Variants in ALOX5AP observed in about 807,000 individuals in gnomAD.
ALOX5AP encodes the protein arachidonate 5-lipoxygenase activating protein.
A neutral mutation model predicts 18.5 loss-of-function variants in ALOX5AP; 9 were observed. That is an observed-to-expected ratio of 0.49 (90% CI 0.29 to 0.85). The LOEUF (loss-of-function observed/expected upper bound fraction) is 0.85, where lower values mean the gene tolerates loss of function less well. Ranked by LOEUF, ALOX5AP falls within the 40% of genes least tolerant of loss-of-function variation. ALOX5AP has a pLI of 0.08. For missense variants in ALOX5AP, 172 were observed against 202.5 expected (o/e 0.85, Z 0.91); for synonymous variants, 81 against 78.6 (o/e 1.03, Z -0.16).
chr13:30,738,512 T>A (rs1593435045), intron 1 of ALOX5AP, among the ~76,000 whole-genome samples: 1 of 152,320 alleles, frequency 6.6e-6, no homozygotes, highest in East Asian at 1.9e-4. Flanking sequence ...TGGGCTCAAA[T>A]CTGTCTCCCC....
intron 1 of ALOX5AP, among the ~76,000 whole-genome samples, chr13:30,724,918 G>A (rs1170935255): frequency 6.6e-6 from 1 of 152,188 alleles, no homozygotes; most frequent in Non-Finnish European, 1.5e-5. Flanking sequence ...CTTCCCCTCA[G>A]TCTGCATCTG....
intron 1 of ALOX5AP, among the ~76,000 whole-genome samples, chr13:30,714,154 A>G (rs557838916): frequency 2.0e-5 from 3 of 149,470 alleles, no homozygotes; most frequent in Admixed American, 1.3e-4. Flanking sequence ...CTGGCTCTTT[A>G]GAGAACAGAT....
intron 1 of ALOX5AP, among the ~76,000 whole-genome samples, chr13:30,719,616 G>A (rs967010757): frequency 6.6e-6 from 1 of 152,146 alleles, no homozygotes. Flanking sequence ...AGTCAATACT[G>A]TTTAGTGACT....
intron 2 of ALOX5AP, among the ~76,000 whole-genome samples, chr13:30,745,122 G>A (rs1293222381): frequency 1.3e-5 from 2 of 152,234 alleles, no homozygotes; most frequent in African/African-American, 2.4e-5. Flanking sequence ...CAGGGGTACC[G>A]TTGGTTTCCT....
chr13:30,738,537 G>A (rs923050331), intron 1 of ALOX5AP, among the ~76,000 whole-genome samples: 1 of 152,202 alleles, frequency 6.6e-6, no homozygotes. Context: ...TGGGGCTTAG[G>A]GCAAGTTTTA....
intron 1 of ALOX5AP, among the ~76,000 whole-genome samples, chr13:30,717,490 C>G (rs1182686752): frequency 6.6e-6 from 1 of 152,180 alleles, no homozygotes; most frequent in African/African-American, 2.4e-5. Context: ...AACTTCTGAC[C>G]AATCCACTTC....
At chr13:30,734,315 G>A (rs376207029), upstream of ALOX5AP, among the ~76,000 whole-genome samples, 1 of 150,418 alleles carries the variant, frequency 6.6e-6, no homozygotes, top group South Asian at 2.1e-4. Context: ...GCATTGAAGC[G>A]GGCCTCTGGC....
At chr13:30,714,788 T>A (rs1951536942) in intron 1 of ALOX5AP, among the ~76,000 whole-genome samples, 1 of 152,338 alleles carries the variant, frequency 6.6e-6, no homozygotes, top group Admixed American at 6.5e-5. Context: ...CCCTGGGCAC[T>A]TGTTGAATGA....
intron 3 of ALOX5AP, among the ~76,000 whole-genome samples, chr13:30,752,689 G>A (rs561240466): frequency 1.9e-4 from 29 of 152,348 alleles, no homozygotes; most frequent in African/African-American, 2.9e-4. Flanking sequence ...TCGGGGCCAC[G>A]CCTGGCACTG....
At chr13:30,713,853 T>C (rs1188259579) in intron 1 of ALOX5AP, 4 of 1,534,910 alleles carry the variant, frequency 2.6e-6, no homozygotes, top group South Asian at 1.2e-5. Context: ...TGTGTGTGTG[T>C]GTGCGCGCAC....
At chr13:30,721,173 G>A (rs1023319889) in intron 1 of ALOX5AP, among the ~76,000 whole-genome samples, 4 of 152,118 alleles carry the variant, frequency 2.6e-5, no homozygotes, top group Non-Finnish European at 5.9e-5. Flanking sequence ...GAGGCCATAG[G>A]AGAAGGGCAT....
chr13:30,751,752 G>T (rs1182854890), intron 2 of ALOX5AP, among the ~76,000 whole-genome samples: 2 of 152,158 alleles, frequency 1.3e-5, no homozygotes, highest in African/African-American at 4.8e-5. Context: ...GAAGCGCAGG[G>T]GCACCGCCAG....
intron 3 of ALOX5AP, among the ~76,000 whole-genome samples, chr13:30,752,748 G>T (rs866870569): frequency 3.3e-5 from 5 of 152,238 alleles, no homozygotes; most frequent in African/African-American, 1.2e-4. Flanking sequence ...TGGCCCTGGA[G>T]GGCACAGGCA....
chr13:30,749,248 C>T (rs1477205682), intron 2 of ALOX5AP, among the ~76,000 whole-genome samples: 2 of 152,136 alleles, frequency 1.3e-5, no homozygotes, highest in African/African-American at 2.4e-5. Flanking sequence ...TGAGCAAATC[C>T]CTTAGACAAT....
intron 3 of ALOX5AP, among the ~76,000 whole-genome samples, chr13:30,753,535 C>A (rs1376809371): frequency 2.6e-5 from 4 of 152,216 alleles, no homozygotes; most frequent in Admixed American, 2.6e-4. Context: ...ACAAAAGCAT[C>A]AGTAACCTTG....
At chr13:30,731,591 A>G (rs932611397), upstream of ALOX5AP, among the ~76,000 whole-genome samples, 15 of 151,364 alleles carry the variant, frequency 9.9e-5, no homozygotes, top group African/African-American at 3.6e-4. Flanking sequence ...CTGTTCTCCA[A>G]CTCCTGGACT....
intron 2 of ALOX5AP, 62 bp downstream of exon 2, chr13:30,744,221 G>A (rs1165236511): frequency 7.0e-7 from 1 of 1,427,088 alleles, no homozygotes; most frequent in Admixed American, 1.7e-5. Context: ...CTCCTTCTAG[G>A]AGTGATGACC....
intron 1 of ALOX5AP, among the ~76,000 whole-genome samples, chr13:30,727,314 G>A (rs934873070): frequency 6.6e-6 from 1 of 151,776 alleles, no homozygotes; most frequent in Non-Finnish European, 1.5e-5. Context: ...AAAGTGCTAG[G>A]ATTACAGGTG....
intron 2 of ALOX5AP, among the ~76,000 whole-genome samples, chr13:30,747,037 G>T (rs1409827408): frequency 6.6e-6 from 1 of 152,254 alleles, no homozygotes; most frequent in East Asian, 1.9e-4. Context: ...ACACTAGCCA[G>T]TGTGGCTCAT....
Sources: gnomAD v4.1 joint callset for allele counts (sites outside exome capture counted in the v4.1 genomes callset) on GRCh38, gnomAD v4.1.1 for gene constraint, MANE v1.5 for transcripts, NCBI Gene and HGNC (gene_info 2026-07-23, HGNC 2026-07-21) for gene names.